ARHGAP36: variants seen among roughly 807,000 people sequenced by gnomAD.
The protein encoded by ARHGAP36 is rho GTPase-activating protein 36.
Under a neutral mutation model 32.9 loss-of-function variants are expected in ARHGAP36, and 7 were observed. That is an observed-to-expected ratio of 0.21 (90% CI 0.12 to 0.40). ARHGAP36 has a LOEUF of 0.40. Ranked by LOEUF, ARHGAP36 falls within the 10% of genes least tolerant of loss-of-function variation. The probability of loss-of-function intolerance (pLI) is 1.00; values close to 1 mark genes in which losing one functional copy is unlikely to be tolerated. For missense variants in ARHGAP36, 383 were observed against 442.2 expected (o/e 0.87, Z 1.20); for synonymous variants, 165 against 168.3 (o/e 0.98, Z 0.15).
chrX:131,077,381 G>A (rs916597223), intron 1 of ARHGAP36, among the ~76,000 whole-genome samples: 1 of 111,378 alleles, frequency 9.0e-6, no homozygotes, highest in Non-Finnish European at 1.9e-5. Context: ...AATTTATAAG[G>A]ATTTAAACCA....
chrX:131,066,955 T>C (rs1401916653), intron 1 of ARHGAP36, among the ~76,000 whole-genome samples: 1 of 111,846 alleles, frequency 8.9e-6, no homozygotes, highest in Non-Finnish European at 1.9e-5. Context: ...ACAACTATCC[T>C]TGCTACATAC....
intron 1 of ARHGAP36, among the ~76,000 whole-genome samples, chrX:131,061,523 A>G (rs2079668713): frequency 1.8e-5 from 2 of 111,902 alleles, no homozygotes; most frequent in Admixed American, 9.5e-5. Flanking sequence ...TAAAGCAGCC[A>G]AAGCTCTAAA....
intron 1 of ARHGAP36, among the ~76,000 whole-genome samples, chrX:131,068,223 T>C (rs886473659): frequency 2.4e-4 from 27 of 110,241 alleles, no homozygotes; most frequent in Non-Finnish European, 7.6e-5. Context: ...CACACAGATC[T>C]ACCGCACCCG....
At chrX:131,071,213 A>G (rs949229379) in intron 1 of ARHGAP36, among the ~76,000 whole-genome samples, 2 of 110,174 alleles carry the variant, frequency 1.8e-5, no homozygotes, top group African/African-American at 6.6e-5. Context: ...AGAGACAGAG[A>G]AAGAGGGGAT....
At chrX:131,075,278 A>G (rs2079755422) in intron 1 of ARHGAP36, among the ~76,000 whole-genome samples, 1 of 111,824 alleles carries the variant, frequency 8.9e-6, no homozygotes, top group African/African-American at 3.3e-5. Context: ...TTGTAAGGTC[A>G]TGGATCTGAG....
At chrX:131,074,322 A>G (rs1412194548) in intron 1 of ARHGAP36, among the ~76,000 whole-genome samples, 1 of 91,644 alleles carries the variant, frequency 1.1e-5, no homozygotes, top group Non-Finnish European at 2.2e-5. Flanking sequence ...GAAGAAGGGA[A>G]TTTTGTATGT....
intron 1 of ARHGAP36, among the ~76,000 whole-genome samples, chrX:131,080,649 T>A (rs1247645438): frequency 1.8e-5 from 2 of 112,414 alleles, no homozygotes; most frequent in African/African-American, 6.5e-5. Context: ...AAATAGGTTT[T>A]ACCATTACAC....
Position 131,088,845 on chromosome X carries a change from T to A in ARHGAP36, c.*60T>A, listed in dbSNP as rs1407374340. 1 of 1,146,551 alleles carries A rather than the reference T, an allele frequency of 8.7e-7. No homozygotes were observed. Among genetic ancestry groups the A allele is most frequent in the East Asian group, 3.0e-5 (1 of 33,057 alleles). The allele number at this position is 1,146,551 out of a possible 1,213,427, so 94.5% of individuals were successfully genotyped here. A position where few individuals can be genotyped will look rare whatever the true frequency, so the allele number is the denominator to read the frequency against. On this transcript the variant is annotated 3_prime_UTR_variant, in exon 12 of 12. Coordinates refer to ENST00000276211, the MANE Select transcript of ARHGAP36 (RefSeq NM_144967.4). Reference sequence around the variant, plus strand: ...AAAGGGTGGGGGTACATCTGGGATGTCACAGGAAACATTAAGGAGAGAGTT... The same window carrying A: ...AAAGGGTGGGGGTACATCTGGGATGACACAGGAAACATTAAGGAGAGAGTT...
At chrX:131,081,191 T>C (rs1259470067) in intron 1 of ARHGAP36, among the ~76,000 whole-genome samples, 1 of 110,367 alleles carries the variant, frequency 9.1e-6, no homozygotes, top group Non-Finnish European at 1.9e-5. Context: ...TCTAGACCCA[T>C]GTGTCCATTT....
chrX:131,081,112 A>C (rs780750576), intron 1 of ARHGAP36, among the ~76,000 whole-genome samples: 3 of 109,167 alleles, frequency 2.7e-5, no homozygotes, highest in Admixed American at 9.7e-5. Flanking sequence ...TGTCTGTAGG[A>C]AGATTTTATT....
At chrX:131,080,437 C>T (rs1239791628) in intron 1 of ARHGAP36, among the ~76,000 whole-genome samples, 6 of 110,866 alleles carry the variant, frequency 5.4e-5, no homozygotes, top group Admixed American at 9.6e-5. Flanking sequence ...CTTGCTCATC[C>T]TTTCAATCTT....
intron 1 of ARHGAP36, among the ~76,000 whole-genome samples, chrX:131,062,973 A>G (rs750889409): frequency 1.8e-5 from 2 of 112,107 alleles, no homozygotes; most frequent in East Asian, 5.6e-4. Flanking sequence ...GCAGACATTT[A>G]CTAGGTGGTC....
At chrX:131,087,277 G>T (rs926937832) in intron 11 of ARHGAP36, among the ~76,000 whole-genome samples, 42 of 112,025 alleles carry the variant, frequency 3.7e-4, no homozygotes, top group African/African-American at 1.3e-3. Flanking sequence ...TCTTGAAGAT[G>T]TCCCAGCTGT....
At chrX:131,078,638 C>A in intron 1 of ARHGAP36, 1 of 664,888 alleles carries the variant, frequency 1.5e-6, no homozygotes, top group South Asian at 2.7e-5. Context: ...GTGCGAAAGC[C>A]TGCCTACTCA....
chrX:131,058,623 C>G (rs1341909938), intron 1 of ARHGAP36, among the ~76,000 whole-genome samples, 179 bp downstream of exon 1: 1 of 113,735 alleles, frequency 8.8e-6, no homozygotes, highest in Admixed American at 9.1e-5. Flanking sequence ...GCATAAATCA[C>G]CAGCTTTGCC....
chrX:131,072,960 T>TCA (rs2148638610), intron 1 of ARHGAP36: 2 of 111,852 alleles, frequency 1.8e-5, no homozygotes, highest in South Asian at 7.5e-4. Flanking sequence ...CGCCGGACTG[T>TCA]CGAGCAGGTC....
intron 6 of ARHGAP36, 106 bp from the exon 7 acceptor site, chrX:131,084,808 C>A (rs2079825710): frequency 3.4e-6 from 4 of 1,165,595 alleles, no homozygotes; most frequent in Non-Finnish European, 4.6e-6. Flanking sequence ...CCCAGGCCCA[C>A]CATATTGCCA....
intron 8 of ARHGAP36, 85 bp downstream of exon 8, chrX:131,085,821 G>C: frequency 8.5e-7 from 1 of 1,179,202 alleles, no homozygotes; most frequent in Non-Finnish European, 1.1e-6. Flanking sequence ...ATGGAGAGGA[G>C]AGAGAGAAAC....
Position 131,083,201 on chromosome X carries a change from G to A in ARHGAP36, c.290G>A (p.Trp97Ter). Reference protein sequence around the residue: ...PIDRPNTLDKWFLILRGQQRA... With the variant: ...PIDRPNTLDK ...GACCGTCCGAACACCTTGGATAAGTGGTTTCTGATTTTGAGAGGACAGCAG... is the reference window on the plus strand; with the variant it reads ...GACCGTCCGAACACCTTGGATAAGTAGTTTCTGATTTTGAGAGGACAGCAG... Residue 97 changes from tryptophan (W) to a stop codon, truncating the protein, a stop_gained, in exon 3 of 12, where the codon TGG becomes TAG. Coordinates refer to ENST00000276211, the MANE Select transcript of ARHGAP36 (RefSeq NM_144967.4). LOFTEE classifies it high-confidence loss of function. 8.3e-7 allele frequency: 1 copy of A among 1,211,207 alleles called. No individual in the cohort carries two copies. Among genetic ancestry groups the A allele is most frequent in the Non-Finnish European group, 1.1e-6 (1 of 895,221 alleles).
Sources: gnomAD v4.1 joint callset for allele counts (sites outside exome capture counted in the v4.1 genomes callset) on GRCh38, gnomAD v4.1.1 for gene constraint, MANE v1.5 for transcripts, NCBI Gene and HGNC (gene_info 2026-07-23, HGNC 2026-07-21) for gene names.